TPD52: variants seen among roughly 807,000 people sequenced by gnomAD.
TPD52 encodes the protein tumor protein D52.
A neutral mutation model predicts 31.3 loss-of-function variants in TPD52; 17 were observed. The ratio of observed to expected loss-of-function variants is 0.54; its 90% confidence interval spans 0.37 to 0.82. The LOEUF (loss-of-function observed/expected upper bound fraction) is 0.82, where lower values mean the gene tolerates loss of function less well. Among genes scored for constraint, TPD52 ranks in the 40% least tolerant of loss-of-function variants. The pLI is 0.00. For synonymous variants in TPD52, 83 were observed against 89.6 expected, an observed-to-expected ratio of 0.93 and a Z score of 0.42; for missense variants, 212 against 240.1, an observed-to-expected ratio of 0.88 and a Z score of 0.77.
intron 1 of TPD52, among the ~76,000 whole-genome samples, chr8:80,106,067 G>A (rs1323422422): frequency 6.6e-6 from 1 of 151,612 alleles, no homozygotes; most frequent in Non-Finnish European, 1.5e-5. Context: ...AGGTAAACAT[G>A]GATTTTTTTC....
downstream of TPD52, among the ~76,000 whole-genome samples, chr8:80,033,930 G>A (rs993376942): frequency 7.9e-5 from 12 of 152,158 alleles, no homozygotes; most frequent in African/African-American, 2.9e-4. Context: ...TGGCAGCCTG[G>A]CCCCCAGGCT....
chr8:80,032,197 G>T (rs985176270), downstream of TPD52, among the ~76,000 whole-genome samples: 7 of 148,474 alleles, frequency 4.7e-5, no homozygotes, highest in Admixed American at 4.7e-4. Flanking sequence ...TGTATCAAAT[G>T]ACTTCAAATT....
At chr8:80,091,099 G>T (rs1816223504) in intron 1 of TPD52, among the ~76,000 whole-genome samples, 1 of 152,168 alleles carries the variant, frequency 6.6e-6, no homozygotes, top group Non-Finnish European at 1.5e-5. Context: ...GCCTGTACCT[G>T]GGAAAGTCAG....
chr8:80,118,767 A>G (rs115652808), intron 1 of TPD52, among the ~76,000 whole-genome samples: 3,324 of 152,278 alleles, frequency 0.022, 118 homozygotes, highest in African/African-American at 0.075. Context: ...GAAGACAATA[A>G]TAAGTGTTGG....
At chr8:80,124,922 C>G (rs188141972) in intron 1 of TPD52, among the ~76,000 whole-genome samples, 411 of 152,298 alleles carry the variant, frequency 2.7e-3, no homozygotes, top group Non-Finnish European at 4.9e-3. Flanking sequence ...TATGCACAAC[C>G]TCCCTTACTC....
At chr8:80,131,451 C>T (rs551608469) in intron 1 of TPD52, among the ~76,000 whole-genome samples, 26 of 152,310 alleles carry the variant, frequency 1.7e-4, no homozygotes, top group African/African-American at 6.3e-4. Flanking sequence ...AATCTGGTAT[C>T]AACTGTATCC....
intron 1 of TPD52, among the ~76,000 whole-genome samples, chr8:80,100,647 T>C (rs147127772): frequency 6.6e-6 from 1 of 152,272 alleles, no homozygotes; most frequent in Non-Finnish European, 1.5e-5. Context: ...ATCTCACAAT[T>C]ATGGAGGCTA....
At chr8:80,073,485 T>C (rs1195753961) in intron 1 of TPD52, among the ~76,000 whole-genome samples, 1 of 152,214 alleles carries the variant, frequency 6.6e-6, no homozygotes, top group African/African-American at 2.4e-5. Flanking sequence ...GCTCTGGGAA[T>C]AAGAACCTAC....
chr8:80,073,237 T>C (rs1486980357), intron 1 of TPD52, among the ~76,000 whole-genome samples: 1 of 152,252 alleles, frequency 6.6e-6, no homozygotes, highest in Non-Finnish European at 1.5e-5. Flanking sequence ...AAATGTATCA[T>C]CTTTAACCAT....
chr8:80,102,571 G>A (rs979236747), intron 1 of TPD52, among the ~76,000 whole-genome samples: 1 of 152,112 alleles, frequency 6.6e-6, no homozygotes, highest in African/African-American at 2.4e-5. Flanking sequence ...AAAATACCTC[G>A]CAAATAGAAA....
At chr8:80,044,059 G>T in intron 6 of TPD52, 108 bp downstream of exon 6, 1 of 937,578 alleles carries the variant, frequency 1.1e-6, no homozygotes, top group Non-Finnish European at 1.6e-6. Flanking sequence ...CACACAGCTT[G>T]TTTCAAGGGG....
intron 1 of TPD52, among the ~76,000 whole-genome samples, chr8:80,135,921 G>A (rs1419765264): frequency 7.5e-6 from 1 of 133,536 alleles, no homozygotes; most frequent in Non-Finnish European, 1.6e-5. Context: ...TCATAGGTGG[G>A]AAGTGAACAA....
chr8:80,125,984 A>C (rs1196885926), intron 1 of TPD52, among the ~76,000 whole-genome samples: 2 of 152,196 alleles, frequency 1.3e-5, no homozygotes, highest in Non-Finnish European at 2.9e-5. Context: ...GCTCACAGCA[A>C]GGGGTGTATG....
At chr8:80,063,269 A>T (rs757759587) in intron 2 of TPD52, among the ~76,000 whole-genome samples, 2 of 152,212 alleles carry the variant, frequency 1.3e-5, no homozygotes, top group Non-Finnish European at 1.5e-5. Context: ...AACCTCAAAA[A>T]CATGAAGGGA....
chr8:80,079,279 C>T (rs753460134), intron 1 of TPD52, among the ~76,000 whole-genome samples: 3 of 152,178 alleles, frequency 2.0e-5, no homozygotes, highest in Non-Finnish European at 2.9e-5. Flanking sequence ...CAGCAGACAT[C>T]AAGCTGCTGC....
At chr8:80,124,166 C>G (rs1808444014) in intron 1 of TPD52, among the ~76,000 whole-genome samples, 1 of 93,828 alleles carries the variant, frequency 1.1e-5, no homozygotes, top group African/African-American at 7.2e-5. Flanking sequence ...CTCTCTCTCT[C>G]TTTTTGTTTT....
intron 1 of TPD52, among the ~76,000 whole-genome samples, chr8:80,094,430 TTATATATA>T (rs61266725): frequency 0.043 from 2,306 of 53,332 alleles, 58 homozygotes; most frequent in East Asian, 0.07. Flanking sequence ...AAAGAAAATT[TTATATATA>T]TATATATATA....
chr8:80,057,678 G>A (rs907715381), intron 2 of TPD52, among the ~76,000 whole-genome samples: 2 of 152,184 alleles, frequency 1.3e-5, no homozygotes, highest in African/African-American at 2.4e-5. Context: ...AGTGGAGAGG[G>A]AGAGTTGGGG....
intron 1 of TPD52, among the ~76,000 whole-genome samples, chr8:80,105,801 G>A (rs1239875708): frequency 7.0e-6 from 1 of 143,612 alleles, no homozygotes; most frequent in Admixed American, 7.3e-5. Context: ...GTGCAATCTT[G>A]GCTCAATGCA....
Sources: gnomAD v4.1 joint callset for allele counts (sites outside exome capture counted in the v4.1 genomes callset) on GRCh38, gnomAD v4.1.1 for gene constraint, MANE v1.5 for transcripts, NCBI Gene and HGNC (gene_info 2026-07-23, HGNC 2026-07-21) for gene names.